CALN1: variants seen among roughly 807,000 people sequenced by gnomAD.
The protein encoded by CALN1 is calneuron 1.
Under a neutral mutation model 30.6 loss-of-function variants are expected in CALN1, and 17 were observed. That is an observed-to-expected ratio of 0.56 (90% confidence interval 0.38 to 0.83). The LOEUF is 0.83. Among genes scored for constraint, CALN1 ranks in the 40% least tolerant of loss-of-function variants. The pLI is 0.00. For synonymous variants in CALN1, 156 were observed against 131.4 expected (o/e 1.19, Z -1.28); for missense variants, 291 against 354.9 (o/e 0.82, Z 1.45).
At chr7:72,032,725 CTT>C (rs1359338529) in intron 4 of CALN1, among the ~76,000 whole-genome samples, 2 of 151,512 alleles carry the variant, frequency 1.3e-5, no homozygotes, top group African/African-American at 4.9e-5. Flanking sequence ...TAAATCGCCT[CTT>C]TGTCTGCAGT....
chr7:72,123,982 T>C (rs1208250019), intron 3 of CALN1, among the ~76,000 whole-genome samples: 3 of 152,128 alleles, frequency 2.0e-5, no homozygotes, highest in Non-Finnish European at 4.4e-5. Context: ...CCCTCTGATA[T>C]CAAAAGGGCA....
At chr7:71,937,485 A>G (rs76889995) in intron 5 of CALN1, among the ~76,000 whole-genome samples, 11,236 of 151,954 alleles carry the variant, frequency 0.074, 728 homozygotes, top group East Asian at 0.22. Flanking sequence ...ACGTGTATAT[A>G]TGCAGGTATA....
chr7:72,499,911 T>TTCTA, the CALN1 span, among the ~76,000 whole-genome samples: 2 of 40,584 alleles, frequency 4.9e-5, 1 homozygote, highest in Non-Finnish European at 9.4e-5. Context: ...CTTTCTTTCT[T>TTCTA]TCTATCTTTC....
chr7:71,860,799 A>G (rs1396063225), intron 5 of CALN1, among the ~76,000 whole-genome samples: 1 of 152,076 alleles, frequency 6.6e-6, no homozygotes, highest in Non-Finnish European at 1.5e-5. Context: ...TTCAGAGTAA[A>G]CTTCCAGGGA....
intron 3 of CALN1, among the ~76,000 whole-genome samples, chr7:72,139,279 C>G (rs1025939393): frequency 1.3e-5 from 2 of 152,080 alleles, no homozygotes; most frequent in Non-Finnish European, 2.9e-5. Flanking sequence ...TGCCTACCAT[C>G]TTCTAAGCAC....
intron 5 of CALN1, among the ~76,000 whole-genome samples, chr7:71,998,799 G>A (rs187921789): frequency 3.0e-4 from 45 of 151,968 alleles, no homozygotes; most frequent in African/African-American, 9.6e-4. Context: ...TCAAGCAATC[G>A]CCTGCCTTGG....
chr7:72,447,794 C>T (rs538515486), upstream of CALN1, among the ~76,000 whole-genome samples: 9 of 151,772 alleles, frequency 5.9e-5, no homozygotes, highest in Admixed American at 5.3e-4. Flanking sequence ...CATGCCTGCT[C>T]GTGTATATGC....
chr7:72,212,210 G>A (rs1172912744), intron 3 of CALN1, among the ~76,000 whole-genome samples: 2 of 151,914 alleles, frequency 1.3e-5, no homozygotes, highest in African/African-American at 2.4e-5. Flanking sequence ...TTAACCAGGC[G>A]TGGTGGCAGG....
intron 5 of CALN1, among the ~76,000 whole-genome samples, chr7:72,017,040 T>A (rs2129529732): frequency 7.6e-6 from 1 of 131,874 alleles, no homozygotes; most frequent in Non-Finnish European, 1.5e-5. Flanking sequence ...GGCACACACC[T>A]GTAGTCCCAG....
chr7:72,267,667 G>A lies in CALN1; in HGVS notation c.244+11019C>T, dbSNP rs138692341. Among the ~76,000 whole-genome samples, 17 of 152,302 alleles carry A rather than the reference G, an allele frequency of 1.1e-4. No individual in the cohort carries two copies. The East Asian group carries it at 1.9e-3, about 17-fold the overall frequency. ...ATGCTGGTTATGTAACCTTGGACAA[G>A]GTTATTTAACTTCTGGATTTTTCAC... On this transcript the variant is annotated intron_variant, in intron 3 of 6. Transcript: ENST00000395275.
chr7:72,147,012 A>G (rs542013796), intron 3 of CALN1, among the ~76,000 whole-genome samples: 7 of 152,300 alleles, frequency 4.6e-5, no homozygotes, highest in Middle Eastern at 3.4e-3. Context: ...AACCATAAAA[A>G]CCCTAGAAGA....
At chr7:71,998,211 T>C (rs1327229222) in intron 5 of CALN1, among the ~76,000 whole-genome samples, 2 of 152,032 alleles carry the variant, frequency 1.3e-5, no homozygotes, top group African/African-American at 2.4e-5. Flanking sequence ...ACCAAAAAAT[T>C]TACCATGATC....
intron 5 of CALN1, among the ~76,000 whole-genome samples, chr7:71,945,617 A>T (rs949500146): frequency 1.3e-5 from 2 of 152,122 alleles, no homozygotes; most frequent in African/African-American, 4.8e-5. Context: ...CCCTATTGTA[A>T]ACTGCACACG....
rs372692711 is a variant in CALN1, at chr7:72,041,721, C to T, written c.389-17952G>A. Among the ~76,000 whole-genome samples, 62 of 152,196 alleles carry T rather than the reference C, an allele frequency of 4.1e-4. 1 individual carries two copies. Among genetic ancestry groups the T allele is most frequent in the East Asian group, 3.7e-3 (19 of 5,156 alleles). On this transcript the variant is annotated intron_variant, in intron 4 of 6. Coordinates refer to ENST00000395275, the MANE Select transcript of CALN1 (RefSeq NM_031468.4). ...TGAATTGTAGCTCCCGTAATTCCCA[C>T]GTGTCATGGGAGGGACCCAGTGGGA...
At chr7:72,389,619 T>C (rs1428099538) in intron 2 of CALN1, among the ~76,000 whole-genome samples, 1 of 152,152 alleles carries the variant, frequency 6.6e-6, no homozygotes, top group Non-Finnish European at 1.5e-5. Flanking sequence ...TTAAGCTCAG[T>C]TGCAATCAAA....
intron 5 of CALN1, among the ~76,000 whole-genome samples, chr7:71,940,484 C>T (rs1240607631): frequency 6.6e-6 from 1 of 152,202 alleles, no homozygotes; most frequent in Non-Finnish European, 1.5e-5. Context: ...TATGTCAATG[C>T]ACTCTTCTCT....
At chr7:72,349,502 C>G (rs893285698) in intron 2 of CALN1, among the ~76,000 whole-genome samples, 1 of 151,852 alleles carries the variant, frequency 6.6e-6, no homozygotes, top group Non-Finnish European at 1.5e-5. Flanking sequence ...AGAGAAAAAT[C>G]TTAAAGTATC....
At chr7:71,862,480 T>C (rs1176434709) in intron 5 of CALN1, among the ~76,000 whole-genome samples, 2 of 152,216 alleles carry the variant, frequency 1.3e-5, no homozygotes, top group African/African-American at 2.4e-5. Flanking sequence ...CCTGTTGCCA[T>C]GTAAGACGTG....
At chr7:71,981,748 G>A (rs1293607563) in intron 5 of CALN1, among the ~76,000 whole-genome samples, 2 of 151,998 alleles carry the variant, frequency 1.3e-5, no homozygotes. Context: ...GTTCCTGGAG[G>A]GTGGAACTAC....
Sources: gnomAD v4.1 joint callset for allele counts (sites outside exome capture counted in the v4.1 genomes callset) on GRCh38, gnomAD v4.1.1 for gene constraint, MANE v1.5 for transcripts, NCBI Gene and HGNC (gene_info 2026-07-23, HGNC 2026-07-21) for gene names.